Variants in ADAMTS12 observed in about 807,000 individuals in gnomAD.
ADAMTS12 encodes A disintegrin and metalloproteinase with thrombospondin motifs 12.
Under a neutral mutation model 167.8 loss-of-function variants are expected in ADAMTS12, and 118 were observed. The ratio of observed to expected loss-of-function variants is 0.70; its 90% CI spans 0.61 to 0.82. The LOEUF (loss-of-function observed/expected upper bound fraction) is 0.82. ADAMTS12 is among the 40% of genes least tolerant of loss of function. The pLI, the probability that ADAMTS12 is intolerant of heterozygous loss-of-function variation, is 0.00. For synonymous variants in ADAMTS12, 704 were observed against 716.9 expected (o/e 0.98, Z 0.29); for missense variants, 1,916 against 1,998.8 (o/e 0.96, Z 0.79).
At chr5:33,724,325 C>T (rs781546362) in intron 3 of ADAMTS12, among the ~76,000 whole-genome samples, 2 of 151,994 alleles carry the variant, frequency 1.3e-5, no homozygotes, top group Admixed American at 6.6e-5. Flanking sequence ...CACAGTCATC[C>T]CCCACCCCCA....
At chr5:33,645,126 T>C (rs1416052968) in intron 9 of ADAMTS12, among the ~76,000 whole-genome samples, 5 of 150,960 alleles carry the variant, frequency 3.3e-5, no homozygotes, top group Non-Finnish European at 7.4e-5. Flanking sequence ...CCATGGTATC[T>C]CCAGGACAAA....
intron 3 of ADAMTS12, among the ~76,000 whole-genome samples, chr5:33,715,544 G>A (rs548405107): frequency 2.0e-5 from 3 of 152,198 alleles, no homozygotes; most frequent in East Asian, 1.9e-4. Flanking sequence ...GAATGATAAA[G>A]GTTATTGAGA....
At chr5:33,866,937 A>AAAT (rs1749847046) in intron 2 of ADAMTS12, among the ~76,000 whole-genome samples, 1 of 152,086 alleles carries the variant, frequency 6.6e-6, no homozygotes, top group Non-Finnish European at 1.5e-5. Flanking sequence ...AAGTAAAAAA[A>AAAT]AAATAAATAA....
chr5:33,624,860 T>C (rs1561176630), intron 13 of ADAMTS12, among the ~76,000 whole-genome samples: 1 of 152,230 alleles, frequency 6.6e-6, no homozygotes, highest in East Asian at 1.9e-4. Context: ...AGCTATACCA[T>C]ATTCCTTTAG....
chr5:33,846,258 T>C lies in ADAMTS12; in HGVS notation c.489+34861A>G, dbSNP rs118064242. The stretch of plus-strand genomic sequence containing the variant: ...AGAAACTGGAGTTATCAGAAAACAG[T>C]GTCATGTACTGTTTCCAATACTTAC... On this transcript the variant is annotated intron_variant, in intron 2 of 23. Coordinates refer to ENST00000504830, the MANE Select transcript of ADAMTS12 (RefSeq NM_030955.4). Among the ~76,000 whole-genome samples the C allele has an allele frequency of 1.7e-3, 264 of 151,794 alleles. 3 individuals are homozygous for C. The highest frequency in any genetic ancestry group is 0.012 in the Admixed American group (188 of 15,240).
chr5:33,889,147 T>C (rs560213647), intron 1 of ADAMTS12, among the ~76,000 whole-genome samples: 23 of 152,222 alleles, frequency 1.5e-4, no homozygotes, highest in African/African-American at 5.1e-4. Context: ...CCATTCCTTA[T>C]CCATAAAAGT....
At chr5:33,604,423 C>A (rs554944905) in intron 16 of ADAMTS12, among the ~76,000 whole-genome samples, 82 of 151,914 alleles carry the variant, frequency 5.4e-4, no homozygotes, top group African/African-American at 1.9e-3. Context: ...ATCACTTGAA[C>A]CTGGGAGGTG....
intron 18 of ADAMTS12, 98 bp downstream of exon 18, chr5:33,588,501 A>G (rs532990917): frequency 6.0e-6 from 9 of 1,494,712 alleles, no homozygotes; most frequent in South Asian, 4.5e-5. Flanking sequence ...CTATTTTGCA[A>G]TTTTACCTAG....
At chr5:33,615,798 T>C (rs769693424) in intron 15 of ADAMTS12, 30 bp downstream of exon 15, 2 of 1,613,202 alleles carry the variant, frequency 1.2e-6, no homozygotes, top group African/African-American at 1.3e-5. Flanking sequence ...CTAGCACACA[T>C]GTCAGCAGTT....
chr5:33,764,390 C>A (rs528222404), intron 2 of ADAMTS12, among the ~76,000 whole-genome samples: 12 of 152,192 alleles, frequency 7.9e-5, no homozygotes, highest in Non-Finnish European at 1.8e-4. Context: ...ACTAAGATTT[C>A]TCTTCTCATG....
chr5:33,859,629 T>C (rs1192242528), intron 2 of ADAMTS12, among the ~76,000 whole-genome samples: 1 of 152,186 alleles, frequency 6.6e-6, no homozygotes, highest in Non-Finnish European at 1.5e-5. Context: ...AAGAGAGCAG[T>C]GGATCTCCCA....
chr5:33,677,170 G>A (rs758850706), intron 5 of ADAMTS12, among the ~76,000 whole-genome samples: 10 of 152,180 alleles, frequency 6.6e-5, no homozygotes, highest in Non-Finnish European at 1.2e-4. Flanking sequence ...TGAAGTCCTT[G>A]TGAAATAAGC....
chr5:33,567,675 T>G (rs1265175431), intron 19 of ADAMTS12, among the ~76,000 whole-genome samples: 1 of 152,178 alleles, frequency 6.6e-6, no homozygotes, highest in Non-Finnish European at 1.5e-5. Flanking sequence ...GGATCCACTG[T>G]GGTAATAGAG....
At chr5:33,598,828 G>T (rs1273121176) in intron 16 of ADAMTS12, among the ~76,000 whole-genome samples, 1 of 152,180 alleles carries the variant, frequency 6.6e-6, no homozygotes, top group African/African-American at 2.4e-5. Flanking sequence ...ATCCCTCACT[G>T]AGACACAGAG....
intron 2 of ADAMTS12, among the ~76,000 whole-genome samples, chr5:33,857,908 A>G (rs1749467260): frequency 6.6e-6 from 1 of 152,258 alleles, no homozygotes. Flanking sequence ...ATTCACAATT[A>G]TGGTTGGAGA....
intron 1 of ADAMTS12, among the ~76,000 whole-genome samples, chr5:33,885,729 G>C (rs1268334709): frequency 1.3e-5 from 2 of 152,192 alleles, no homozygotes; most frequent in Non-Finnish European, 2.9e-5. Flanking sequence ...ATTCACCTTG[G>C]AAGAGGCATC....
chr5:33,805,945 G>C (rs1203638408), intron 2 of ADAMTS12, among the ~76,000 whole-genome samples: 1 of 151,488 alleles, frequency 6.6e-6, no homozygotes, highest in Non-Finnish European at 1.5e-5. Flanking sequence ...AAAAGACTTT[G>C]TAAAGAACAT....
At chr5:33,713,962 A>G (rs748727094) in intron 3 of ADAMTS12, among the ~76,000 whole-genome samples, 12 of 152,126 alleles carry the variant, frequency 7.9e-5, no homozygotes, top group South Asian at 2.1e-4. Context: ...TACAGATAAG[A>G]GCATGGTAGT....
rs114216940 is a variant in ADAMTS12 at position 33,870,624 on chromosome 5, G to C, written c.489+10495C>G. Among the ~76,000 whole-genome samples, 204 of 152,310 alleles carry C rather than the reference G, an allele frequency of 1.3e-3. 1 individual carries two copies. The highest frequency in any genetic ancestry group is 4.7e-3 in the African/African-American group (194 of 41,570). On this transcript the variant is annotated intron_variant, in intron 2 of 23. Transcript: ENST00000504830. Reference sequence around the variant, plus strand: ...ATAACGTGAGATTTAGGAGGGGCCAGAGCTAAAATGATATGGTTTGGATTT... The same window carrying C: ...ATAACGTGAGATTTAGGAGGGGCCACAGCTAAAATGATATGGTTTGGATTT...
Sources: gnomAD v4.1 joint callset for allele counts (sites outside exome capture counted in the v4.1 genomes callset) on GRCh38, gnomAD v4.1.1 for gene constraint, MANE v1.5 for transcripts, NCBI Gene and HGNC (gene_info 2026-07-23, HGNC 2026-07-21) for gene names.